DMD: variants seen among roughly 807,000 people sequenced by gnomAD.
The protein encoded by DMD is dystrophin, also known as mutant dystrophin.
DMD carries 63 observed loss-of-function variants against 330.1 expected under a neutral mutation model. The ratio of observed to expected loss-of-function variants is 0.19; its 90% CI spans 0.16 to 0.24. The LOEUF is 0.24. Among genes scored for constraint, DMD ranks in the 10% least tolerant of loss-of-function variants. The pLI, the probability that DMD is intolerant of heterozygous loss-of-function variation, is 1.00. For synonymous variants in DMD, 1,223 were observed against 959.8 expected, an observed-to-expected ratio of 1.27 and a Z score of -5.07; for missense variants, 3,344 against 2,684.1, an observed-to-expected ratio of 1.25 and a Z score of -5.43.
At chrX:32,793,696 G>A (rs187462288) in intron 7 of DMD, among the ~76,000 whole-genome samples, 21 of 111,571 alleles carry the variant, frequency 1.9e-4, no homozygotes, top group Admixed American at 6.7e-4. Context: ...ACAACCAACC[G>A]TGGATCAAGA....
At chrX:31,141,998 G>C (rs1168865484) in intron 76 of DMD, among the ~76,000 whole-genome samples, 1 of 111,326 alleles carries the variant, frequency 9.0e-6, no homozygotes, top group African/African-American at 3.3e-5. Context: ...ATTCAAATTG[G>C]GGGACATTCT....
intron 43 of DMD, among the ~76,000 whole-genome samples, chrX:32,264,803 G>A (rs777258909): frequency 8.9e-6 from 1 of 111,743 alleles, no homozygotes; most frequent in East Asian, 2.8e-4. Context: ...AGATGATTTA[G>A]GGCATCTGGT....
At chrX:31,999,009 C>A (rs766364426) in intron 44 of DMD, among the ~76,000 whole-genome samples, 2 of 111,174 alleles carry the variant, frequency 1.8e-5, no homozygotes, top group African/African-American at 6.5e-5. Context: ...GAATAACTAG[C>A]GGATACTTTT....
chrX:31,749,822 T>A (rs1401578044), intron 51 of DMD, among the ~76,000 whole-genome samples: 9 of 106,275 alleles, frequency 8.5e-5, no homozygotes, highest in East Asian at 6.0e-4. Flanking sequence ...CCTGACTTTT[T>A]AATGATTGCC....
intron 44 of DMD, among the ~76,000 whole-genome samples, chrX:32,069,649 G>A (rs999175944): frequency 1.8e-5 from 2 of 111,761 alleles, no homozygotes; most frequent in East Asian, 2.8e-4. Flanking sequence ...ATTAATGACT[G>A]CATACAATTT....
intron 44 of DMD, among the ~76,000 whole-genome samples, chrX:31,983,685 T>C (rs1012002644): frequency 1.8e-5 from 2 of 111,976 alleles, no homozygotes; most frequent in African/African-American, 6.5e-5. Context: ...TACAGAAATG[T>C]TGATTTTGTC....
intron 60 of DMD, among the ~76,000 whole-genome samples, chrX:31,441,986 T>C (rs781755428): frequency 2.7e-5 from 3 of 112,208 alleles, no homozygotes; most frequent in East Asian, 5.6e-4. Flanking sequence ...TGTTCAAAAA[T>C]AGAAACATGA....
At chrX:32,143,978 C>T (rs1451797702) in intron 44 of DMD, among the ~76,000 whole-genome samples, 1 of 111,075 alleles carries the variant, frequency 9.0e-6, no homozygotes, top group African/African-American at 3.3e-5. Context: ...ATGTTTCGTT[C>T]TGGGTACCTA....
chrX:32,820,838 A>C (rs768303236), intron 5 of DMD, among the ~76,000 whole-genome samples: 7 of 112,222 alleles, frequency 6.2e-5, no homozygotes, highest in African/African-American at 2.3e-4. Context: ...ATTTAATAAT[A>C]AAGGAGGAAG....
chrX:32,837,990 T>C (rs2079807007), intron 4 of DMD, among the ~76,000 whole-genome samples: 1 of 112,199 alleles, frequency 8.9e-6, no homozygotes. Context: ...GTATCTACTA[T>C]GCTTTAGTGT....
chrX:32,310,648 G>A (rs1377844989), intron 41 of DMD, among the ~76,000 whole-genome samples: 1 of 110,319 alleles, frequency 9.1e-6, no homozygotes, highest in East Asian at 2.9e-4. Flanking sequence ...AATTTTCCTG[G>A]AAATCTAGAT....
At chrX:31,690,446 A>G (rs141277802) in intron 52 of DMD, among the ~76,000 whole-genome samples, 47,545 of 109,223 alleles carry the variant, frequency 0.44, 8,672 homozygotes, top group African/African-American at 0.64. Context: ...TTAGAATGGC[A>G]ATCATTAAAA....
chrX:32,547,137 A>G, intron 16 of DMD, among the ~76,000 whole-genome samples: 1 of 111,577 alleles, frequency 9.0e-6, no homozygotes, highest in Non-Finnish European at 1.9e-5. Flanking sequence ...TATTTTGCAG[A>G]TTAAGAAAAT....
At chrX:32,448,343 G>A in intron 27 of DMD, 113 bp downstream of exon 27, 1 of 829,942 alleles carries the variant, frequency 1.2e-6, no homozygotes, top group South Asian at 2.2e-5. Context: ...GTGCCTGAAT[G>A]AGGAATTCAA....
At chrX:32,121,011 A>G (rs1485420321) in intron 44 of DMD, among the ~76,000 whole-genome samples, 2 of 112,228 alleles carry the variant, frequency 1.8e-5, no homozygotes, top group Non-Finnish European at 3.8e-5. Context: ...TAAATAATAC[A>G]AATGCATCGA....
chrX:31,741,378 T>A (rs2087323114), intron 51 of DMD, among the ~76,000 whole-genome samples: 1 of 112,064 alleles, frequency 8.9e-6, no homozygotes, highest in African/African-American at 3.2e-5. Context: ...ATAGCAGCTA[T>A]ACCTTTATGA....
chrX:32,848,859 G>T (rs755485645), intron 3 of DMD, among the ~76,000 whole-genome samples: 1 of 111,450 alleles, frequency 9.0e-6, no homozygotes, highest in East Asian at 2.8e-4. Flanking sequence ...AGAGATATCT[G>T]ACAATATATA....
chrX:31,369,251 T>C (rs1218461526), intron 60 of DMD, among the ~76,000 whole-genome samples: 1 of 112,294 alleles, frequency 8.9e-6, no homozygotes, highest in Non-Finnish European at 1.9e-5. Flanking sequence ...GAGAAAACAA[T>C]AAGAAAGACT....
chrX:31,869,423 T>TA (rs1556958919), intron 48 of DMD, among the ~76,000 whole-genome samples: 4 of 99,947 alleles, frequency 4.0e-5, no homozygotes, highest in African/African-American at 1.1e-4. Flanking sequence ...TTTTTTTTTT[T>TA]ACCTACCTGT....
Sources: allele counts gnomAD v4.1 joint callset (sites outside exome capture counted in the v4.1 genomes callset), GRCh38; gene constraint gnomAD v4.1.1; transcripts MANE v1.5; gene names NCBI Gene and HGNC (gene_info 2026-07-23, HGNC 2026-07-21).